TMEM192: variants seen among roughly 807,000 people sequenced by gnomAD.
TMEM192 encodes the protein transmembrane protein 192.
TMEM192 carries 20 observed loss-of-function variants against 26.7 expected under a neutral mutation model. That is an observed-to-expected ratio of 0.75 (90% CI 0.53 to 1.09). The LOEUF is 1.09. TMEM192 is among the 50% of genes least tolerant of loss of function. The pLI is 0.00. For synonymous variants in TMEM192, 124 were observed against 121.0 expected (o/e 1.02, Z -0.16); for missense variants, 304 against 322.6 (o/e 0.94, Z 0.44).
intron 3 of TMEM192, among the ~76,000 whole-genome samples, chr4:165,090,469 A>G (rs1006909938): frequency 6.6e-6 from 1 of 152,030 alleles, no homozygotes; most frequent in Non-Finnish European, 1.5e-5. Flanking sequence ...ACGTGGACAG[A>G]AGCTCCTGTA....
In TMEM192 at chr4:165,075,971, G is replaced by T. The variant is rs1734370381; in HGVS notation, c.*3687C>A. The T allele has an allele frequency of 6.6e-6, 1 of 151,550 alleles. No homozygotes were observed. The highest frequency in any genetic ancestry group is 2.1e-4 in the South Asian group (1 of 4,814). 9.4% of individuals were successfully genotyped at this position (151,550 alleles called of 1,614,324 possible). A position where few individuals can be genotyped will look rare whatever the true frequency, so the allele number is the denominator to read the frequency against. On this transcript the variant is annotated 3_prime_UTR_variant, in exon 6 of 6. Coordinates refer to ENST00000306480, the MANE Select transcript of TMEM192 (RefSeq NM_001100389.2). ...AATTGCTTGAACCCGGTAGAAGGAG[G>T]TTGCAGTGAGCCCAGATCACACCAC...
intron 5 of TMEM192, among the ~76,000 whole-genome samples, chr4:165,085,273 CAAAAAAAAAAAAA>C (rs398051329): frequency 6.0e-5 from 5 of 83,704 alleles, no homozygotes; most frequent in Admixed American, 1.3e-4. Flanking sequence ...AACTCCATCT[CAAAAAAAAAAAAA>C]AAAAAAAGAC....
chr4:165,106,172 C>T lies in TMEM192; in HGVS notation c.28-3076G>A, dbSNP rs183898431. 1.4e-3 allele frequency among the ~76,000 whole-genome samples: 212 copies of T among 152,302 alleles called. 3 individuals carry two copies. Among genetic ancestry groups the T allele is most frequent in the Non-Finnish European group, 3.2e-4 (22 of 68,030 alleles). On this transcript the variant is annotated intron_variant, in intron 1 of 5. Coordinates refer to ENST00000306480, the MANE Select transcript of TMEM192 (RefSeq NM_001100389.2). ...TATAGCAACCCAAACAAAGACACTA[C>T]CCCTATAATCATTACCATTCTATCC... is the stretch of plus-strand genomic sequence containing the variant.
At chr4:165,109,142 A>G (rs1282063413) in intron 1 of TMEM192, among the ~76,000 whole-genome samples, 1 of 152,124 alleles carries the variant, frequency 6.6e-6, no homozygotes, top group Admixed American at 6.6e-5. Context: ...ACTCTCTTAC[A>G]TCTGTATCTG....
chr4:165,098,616 T>G lies in TMEM192; in HGVS notation c.439+2012A>C, dbSNP rs75089444. On this transcript the variant is annotated intron_variant, in intron 3 of 5. Coordinates refer to ENST00000306480, the MANE Select transcript of TMEM192 (RefSeq NM_001100389.2). ...CATGAGCCACCATGCCCAGCCTGGA[T>G]TCAAAAAAAATTTTTTTTTCTTTTT... Among the ~76,000 whole-genome samples the G allele has an allele frequency of 4.4e-3, 676 of 152,102 alleles. 8 individuals carry two copies. In the East Asian group the frequency reaches 0.049, roughly 11 times the overall value.
intron 1 of TMEM192, among the ~76,000 whole-genome samples, chr4:165,107,610 C>T (rs1003499328): frequency 2.0e-5 from 3 of 152,206 alleles, no homozygotes; most frequent in African/African-American, 4.8e-5. Flanking sequence ...TCCCAAAGTG[C>T]TGGGATTACA....
At chr4:165,080,269 C>T (rs138838257) in intron 5 of TMEM192, among the ~76,000 whole-genome samples, 2,058 of 152,074 alleles carry the variant, frequency 0.014, 18 homozygotes, top group African/African-American at 0.019. Context: ...TATCTTTTTG[C>T]ACCTGACACA....
chr4:165,109,168 T>C (rs1392961255), intron 1 of TMEM192, among the ~76,000 whole-genome samples: 1 of 152,184 alleles, frequency 6.6e-6, no homozygotes, highest in Non-Finnish European at 1.5e-5. Flanking sequence ...TAACCTACCA[T>C]ACTAAGCACA....
chr4:165,091,820 T>TA (rs1734771994), intron 3 of TMEM192, among the ~76,000 whole-genome samples: 1 of 152,170 alleles, frequency 6.6e-6, no homozygotes, highest in African/African-American at 2.4e-5. Flanking sequence ...CCAGTGCAAG[T>TA]AAAAAGTGAT....
At chr4:165,101,198 G>A (rs373677766) in intron 2 of TMEM192, among the ~76,000 whole-genome samples, 3 of 151,342 alleles carry the variant, frequency 2.0e-5, no homozygotes, top group African/African-American at 7.3e-5. Context: ...GGATGATATC[G>A]ATCTCCTGAC....
chr4:165,091,978 G>A (rs1197921532), intron 3 of TMEM192, among the ~76,000 whole-genome samples: 3 of 152,104 alleles, frequency 2.0e-5, no homozygotes, highest in Non-Finnish European at 4.4e-5. Context: ...ATGATTAAGA[G>A]TATGCCCATG....
rs959649393 is a variant in TMEM192, at chr4:165,103,919, C to T, written c.28-823G>A. 1.7e-4 allele frequency among the ~76,000 whole-genome samples: 26 copies of T among 152,270 alleles called. 1 individual carries two copies. Among genetic ancestry groups the T allele is most frequent in the African/African-American group, 5.5e-4 (23 of 41,560 alleles). ...CTGACCTCAGGTGATCTACCCACCT[C>T]GGCCTCCCAAAGTGGTGGGATTACA... is the stretch of plus-strand genomic sequence containing the variant. On this transcript the variant is annotated intron_variant, in intron 1 of 5. Transcript: ENST00000306480.
Position 165,077,291 on chromosome 4 carries a change from T to C in TMEM192, c.*2367A>G, listed in dbSNP as rs1230804475. 3 of 152,314 alleles carry C rather than the reference T, an allele frequency of 2.0e-5. No homozygotes were observed. Among genetic ancestry groups the C allele is most frequent in the South Asian group, 2.1e-4 (1 of 4,818 alleles). 9.4% of individuals were successfully genotyped at this position (152,314 alleles called of 1,614,324 possible). The stretch of plus-strand genomic sequence containing the variant: ...TCCTATAAATCTCAGATACTGACTA[T>C]AGATCCAAATTAAATTTTAAAAATA... On this transcript the variant is annotated 3_prime_UTR_variant, in exon 6 of 6. Coordinates refer to ENST00000306480, the MANE Select transcript of TMEM192 (RefSeq NM_001100389.2).
chr4:165,080,158 C>T (rs182261035), intron 5 of TMEM192, among the ~76,000 whole-genome samples: 5 of 152,070 alleles, frequency 3.3e-5, no homozygotes, highest in Admixed American at 6.6e-5. Flanking sequence ...AATCAGATGA[C>T]GATTAAAATA....
intron 5 of TMEM192, among the ~76,000 whole-genome samples, chr4:165,081,235 C>CTTT (rs35079183): frequency 4.1e-5 from 6 of 145,018 alleles, no homozygotes; most frequent in African/African-American, 1.0e-4. Flanking sequence ...ACCTCCCACT[C>CTTT]TTTTTTTTTT....
intron 1 of TMEM192, among the ~76,000 whole-genome samples, chr4:165,109,271 A>C (rs1261998526): frequency 6.6e-6 from 1 of 152,222 alleles, no homozygotes; most frequent in Non-Finnish European, 1.5e-5. Flanking sequence ...GATACACAGC[A>C]GATGCTAAGG....
rs1734433133 is a variant in TMEM192, at chr4:165,078,201, A to T, written c.*1457T>A. 6.6e-6 allele frequency: 1 copy of T among 152,232 alleles called. No individual in the cohort carries two copies. The highest frequency in any genetic ancestry group is 1.5e-5 in the Non-Finnish European group (1 of 68,044). The allele number at this position is 152,232 out of a possible 1,614,324, so 9.4% of individuals were successfully genotyped here. On this transcript the variant is annotated 3_prime_UTR_variant, in exon 6 of 6. Coordinates refer to ENST00000306480, the MANE Select transcript of TMEM192 (RefSeq NM_001100389.2). ...ATATATCCCTTGCCTATATAGTTAT[A>T]TCGAACACATCCCTATATGGTTACA...
intron 1 of TMEM192, among the ~76,000 whole-genome samples, chr4:165,110,817 C>T (rs1735278450): frequency 6.6e-6 from 1 of 152,218 alleles, no homozygotes; most frequent in Non-Finnish European, 1.5e-5. Flanking sequence ...TTTCAGAGGC[C>T]TTGGCATATA....
In TMEM192 at chr4:165,070,744, G is replaced by A. The variant is rs191526861; in HGVS notation, c.*8914C>T. ...AACAGAAAGTGAAAACAGAGCCCAG[G>A]TTACAGCTGGATTACAGGAACAGGC... On this transcript the variant is annotated 3_prime_UTR_variant, in exon 6 of 6. Transcript: ENST00000306480. 3 of 152,262 alleles carry A rather than the reference G, an allele frequency of 2.0e-5. No homozygotes were observed. Among genetic ancestry groups the A allele is most frequent in the Middle Eastern group, 3.4e-3 (1 of 294 alleles). 9.4% of individuals were successfully genotyped at this position (152,262 alleles called of 1,614,324 possible). A position where few individuals can be genotyped will look rare whatever the true frequency, so the allele number is the denominator to read the frequency against.
Sources: gnomAD v4.1 joint callset for allele counts (sites outside exome capture counted in the v4.1 genomes callset) on GRCh38, gnomAD v4.1.1 for gene constraint, MANE v1.5 for transcripts, NCBI Gene and HGNC (gene_info 2026-07-23, HGNC 2026-07-21) for gene names.